TECPR2: variants seen among roughly 807,000 people sequenced by gnomAD.
TECPR2 encodes the protein tectonin beta-propeller repeat-containing protein 2.
In TECPR2, 65 loss-of-function variants were observed where a neutral mutation model predicts 138.1. That is an observed-to-expected ratio of 0.47 (90% CI 0.39 to 0.58). The LOEUF (loss-of-function observed/expected upper bound fraction) is 0.58, where lower values mean the gene tolerates loss of function less well. TECPR2 is among the 20% of genes least tolerant of loss of function. The pLI is 0.00. For missense variants in TECPR2, 1,553 were observed against 1,824.5 expected, an observed-to-expected ratio of 0.85 and a Z score of 2.71; for synonymous variants, 746 against 749.8, an observed-to-expected ratio of 0.99 and a Z score of 0.08.
chr14:102,443,898 C>T lies in TECPR2; in HGVS notation c.2933+71C>T. On this transcript the variant is annotated intron_variant, in intron 12 of 19. Coordinates refer to ENST00000359520, the MANE Select transcript of TECPR2 (RefSeq NM_014844.5). This position sits in a 1 kb window ranked among gnomAD's most constrained non-coding sequence, Gnocchi z 4.9. ...CTTCGTTCTTGTCCACTTGACACCACAAGGCACCATGAGGCCGTTCCTGGG... is the reference window on the plus strand; with the variant it reads ...CTTCGTTCTTGTCCACTTGACACCATAAGGCACCATGAGGCCGTTCCTGGG... The T allele has an allele frequency of 2.1e-6, 3 of 1,410,672 alleles. No homozygotes were observed. The highest frequency in any genetic ancestry group is 1.9e-6 in the Non-Finnish European group (2 of 1,061,694). 87.4% of individuals were successfully genotyped at this position (1,410,672 alleles called of 1,614,324 possible). A position where few individuals can be genotyped will look rare whatever the true frequency, so the allele number is the denominator to read the frequency against.
chr14:102,383,791 T>G (rs1350889206), intron 2 of TECPR2, among the ~76,000 whole-genome samples: 5 of 152,202 alleles, frequency 3.3e-5, no homozygotes, highest in African/African-American at 1.2e-4. Context: ...AGTTGAAGTT[T>G]ATTGCTCCCC....
At chr14:102,485,009 G>A (rs1890991164) in intron 17 of TECPR2, among the ~76,000 whole-genome samples, 1 of 152,286 alleles carries the variant, frequency 6.6e-6, no homozygotes, top group African/African-American at 2.4e-5. Context: ...TGCTTGAGAA[G>A]GGAGTGAAAG....
intron 16 of TECPR2, among the ~76,000 whole-genome samples, chr14:102,459,435 T>C (rs1890352768): frequency 6.6e-6 from 1 of 152,166 alleles, no homozygotes; most frequent in African/African-American, 2.4e-5. Flanking sequence ...CATCTCTTGC[T>C]CTAAGTTGCC....
At chr14:102,447,163 CT>C (rs1387472967) in intron 13 of TECPR2, among the ~76,000 whole-genome samples, 1 of 152,142 alleles carries the variant, frequency 6.6e-6, no homozygotes, top group Non-Finnish European at 1.5e-5. Context: ...TTTTTCTTTT[CT>C]TTTTTTCTGG....
At chr14:102,391,434 A>G (rs1298197535) in intron 2 of TECPR2, among the ~76,000 whole-genome samples, 3 of 152,136 alleles carry the variant, frequency 2.0e-5, no homozygotes, top group Admixed American at 6.6e-5. Context: ...TTTCATCTCA[A>G]TGTTAGGAGA....
At chr14:102,438,282 TC>T in intron 10 of TECPR2, 77 bp downstream of exon 10, 1 of 1,504,934 alleles carries the variant, frequency 6.6e-7, no homozygotes, top group Non-Finnish European at 8.8e-7. Context: ...GGTGCAGACA[TC>T]TTAGTACAGG....
At chr14:102,424,920 A>G in intron 5 of TECPR2, 59 bp from the exon 6 acceptor site, 1 of 1,490,392 alleles carries the variant, frequency 6.7e-7, no homozygotes, top group Non-Finnish European at 9.1e-7. Flanking sequence ...TGACAACTGC[A>G]TTACTTTAAA....
At chr14:102,432,298 T>TACACACACAC (rs10650505) in intron 8 of TECPR2, among the ~76,000 whole-genome samples, 170 bp downstream of exon 8, 3 of 148,900 alleles carry the variant, frequency 2.0e-5, no homozygotes, top group South Asian at 4.2e-4. Context: ...TAACGGAAAA[T>TACACACACAC]ACACACACAC....
At chr14:102,434,063 A>T (rs1393909812) in intron 8 of TECPR2, among the ~76,000 whole-genome samples, 172 bp from the exon 9 acceptor site, 1 of 152,192 alleles carries the variant, frequency 6.6e-6, no homozygotes, top group South Asian at 2.1e-4. Context: ...ACTTGCATGC[A>T]TAGAAAGCAT....
intron 16 of TECPR2, among the ~76,000 whole-genome samples, chr14:102,462,687 T>G (rs115423110): frequency 1.3e-5 from 2 of 152,324 alleles, no homozygotes; most frequent in African/African-American, 4.8e-5. Flanking sequence ...CTAATGGAGC[T>G]GCACACCTTT....
rs1887225593 is a variant in TECPR2 at position 102,363,128 on chromosome 14, G to T, written c.-73+12G>T. On this transcript the variant is annotated intron_variant, in intron 1 of 19. Transcript: ENST00000359520. ...GGCTGCCGCGGGAGGTGAGTCCGGC[G>T]ACGCCGCAAGCGGCCCCGACGCCCC... 4 of 381,454 alleles carry T rather than the reference G, an allele frequency of 1.0e-5. No homozygotes were observed. The highest frequency in any genetic ancestry group is 1.9e-5 in the Non-Finnish European group (4 of 215,674). 23.6% of individuals were successfully genotyped at this position (381,454 alleles called of 1,614,324 possible).
chr14:102,433,655 G>A (rs1028924393), intron 8 of TECPR2, among the ~76,000 whole-genome samples: 8 of 151,888 alleles, frequency 5.3e-5, no homozygotes, highest in Admixed American at 4.6e-4. Flanking sequence ...CGAGTAGCTG[G>A]GATTACAGGT....
intron 2 of TECPR2, among the ~76,000 whole-genome samples, chr14:102,403,300 G>A (rs1888546913): frequency 6.6e-6 from 1 of 152,148 alleles, no homozygotes; most frequent in Admixed American, 6.5e-5. Flanking sequence ...TCACTCCACT[G>A]GTCCATAAAA....
chr14:102,463,933 C>T (rs944300776), intron 16 of TECPR2, among the ~76,000 whole-genome samples: 5 of 152,110 alleles, frequency 3.3e-5, no homozygotes, highest in Non-Finnish European at 5.9e-5. Context: ...CAAAAACAAA[C>T]AGAACAAAAA....
chr14:102,445,682 C>T (rs1595130411), intron 12 of TECPR2, 124 bp from the exon 13 acceptor site: 6 of 1,265,290 alleles, frequency 4.7e-6, no homozygotes, highest in Admixed American at 2.4e-5. Context: ...CCTGCTGATC[C>T]GCTCCAGGGC....
chr14:102,486,784 G>T (rs535819718), intron 17 of TECPR2, among the ~76,000 whole-genome samples: 11 of 152,244 alleles, frequency 7.2e-5, no homozygotes, highest in South Asian at 2.1e-4. Flanking sequence ...TCCTCCTAGT[G>T]TGTCAGCCCT....
chr14:102,469,661 G>A (rs1842804863), intron 17 of TECPR2, among the ~76,000 whole-genome samples: 1 of 152,142 alleles, frequency 6.6e-6, no homozygotes, highest in African/African-American at 2.4e-5. Flanking sequence ...TAAGGGGAAG[G>A]CATTCAGTCT....
At chr14:102,372,716 T>TC (rs1887537867) in intron 1 of TECPR2, among the ~76,000 whole-genome samples, 2 of 152,098 alleles carry the variant, frequency 1.3e-5, no homozygotes, top group East Asian at 3.9e-4. Context: ...GATCAGGAGT[T>TC]CAAGACCAGC....
chr14:102,367,843 A>G (rs1302495758), intron 1 of TECPR2, among the ~76,000 whole-genome samples: 1 of 151,776 alleles, frequency 6.6e-6, no homozygotes, highest in Admixed American at 6.6e-5. Context: ...GCACCATTTT[A>G]TTTTTCACCA....
Sources: gnomAD v4.1 joint callset for allele counts (sites outside exome capture counted in the v4.1 genomes callset) on GRCh38, gnomAD v4.1.1 for gene constraint, Gnocchi (gnomAD v3.1) non-coding constraint, MANE v1.5 for transcripts, NCBI Gene and HGNC (gene_info 2026-07-23, HGNC 2026-07-21) for gene names.